Variants in EDAR observed in about 807,000 individuals in gnomAD.
EDAR encodes tumor necrosis factor receptor superfamily member EDAR.
Under a neutral mutation model 51.3 loss-of-function variants are expected in EDAR, and 38 were observed. That is an observed-to-expected ratio of 0.74 (90% confidence interval 0.57 to 0.97). EDAR has a LOEUF of 0.97. Among genes scored for constraint, EDAR ranks in the 50% least tolerant of loss-of-function variants. The pLI is 0.00. For synonymous variants in EDAR, 227 were observed against 242.1 expected, an observed-to-expected ratio of 0.94 and a Z score of 0.58; for missense variants, 528 against 595.0, an observed-to-expected ratio of 0.89 and a Z score of 1.17.
At chr2:108,968,285 C>T (rs1224918033) in intron 1 of EDAR, among the ~76,000 whole-genome samples, 1 of 152,202 alleles carries the variant, frequency 6.6e-6, no homozygotes, top group African/African-American at 2.4e-5. Flanking sequence ...CTGACCCAGA[C>T]ATACTTCAAC....
Position 108,897,226 on chromosome 2 carries a change from A to C in EDAR, c.1028T>G (p.Leu343Arg). 1 of 1,613,676 alleles carries C rather than the reference A, an allele frequency of 6.2e-7. No homozygotes were observed. The highest frequency in any genetic ancestry group is 1.7e-5 in the Admixed American group (1 of 60,020). ...YANVCGVVEG[L>R]SPTELPFDCL... ...ATCAAATGGCAGCTCCGTGGGGCTA[A>C]GACCTACAGACACCAATGGCCACAG... is the stretch of plus-strand genomic sequence containing the variant. The change falls in exon 12 of 12, where the codon CTT becomes CGT. Residue 343 changes from leucine to arginine, a missense_variant. Transcript: ENST00000258443.
chr2:108,984,002 G>A (rs976320037), intron 1 of EDAR, among the ~76,000 whole-genome samples: 4 of 152,222 alleles, frequency 2.6e-5, no homozygotes, highest in African/African-American at 9.6e-5. Flanking sequence ...CGACGGCGAT[G>A]TCTGTTGCTA....
At chr2:108,943,074 T>G (rs989043865) in intron 1 of EDAR, among the ~76,000 whole-genome samples, 18 of 152,286 alleles carry the variant, frequency 1.2e-4, no homozygotes, top group African/African-American at 3.9e-4. Flanking sequence ...GGGCTTTTTT[T>G]CCCTCCCTTA....
chr2:108,946,825 A>T (rs1454516932), intron 1 of EDAR, among the ~76,000 whole-genome samples: 1 of 152,044 alleles, frequency 6.6e-6, no homozygotes, highest in Admixed American at 6.5e-5. Context: ...GGGAATTACA[A>T]TTTGAGATGA....
rs56225748 is a variant in EDAR at position 108,937,465 on chromosome 2, A to T, written c.-18-6433T>A. 2.0e-3 allele frequency among the ~76,000 whole-genome samples: 309 copies of T among 152,128 alleles called. 1 individual carries two copies. The highest frequency in any genetic ancestry group is 7.1e-3 in the African/African-American group (296 of 41,508). On this transcript the variant is annotated intron_variant, in intron 1 of 11. Transcript: ENST00000258443. ...TGTGAGGATGTGTGTATGCATGTGT[A>T]TATGTGAGTGTGTGCATAAGAGTAT...
intron 4 of EDAR, among the ~76,000 whole-genome samples, chr2:108,927,327 A>G (rs1304891915): frequency 6.6e-6 from 1 of 152,208 alleles, no homozygotes; most frequent in Non-Finnish European, 1.5e-5. Flanking sequence ...AGCACTGGAA[A>G]GAATGTTTAA....
intron 11 of EDAR, among the ~76,000 whole-genome samples, chr2:108,901,058 ACACTC>A (rs1574364824): frequency 6.6e-6 from 1 of 152,218 alleles, no homozygotes; most frequent in Non-Finnish European, 1.5e-5. Flanking sequence ...CATTTATAGA[ACACTC>A]CATTCAACAA....
chr2:108,923,399 G>C lies in EDAR; in HGVS notation c.411C>G (p.Ser137=). The change falls in exon 5 of 12, where the codon TCC becomes TCG. Residue 137 remains serine (S), a synonymous_variant. Coordinates refer to ENST00000258443, the MANE Select transcript of EDAR (RefSeq NM_022336.4). ...PRNIYGMVCY[S]CLLAPPNTKE... is the part of the protein sequence containing the mutation. ...TGGTGTTGGGGGGTGCCAGGAGGCA[G>C]GAGTAGCAGACCATGCCATAGATGT... 6.2e-7 allele frequency: 1 copy of C among 1,614,234 alleles called. No individual in the cohort carries two copies. The highest frequency in any genetic ancestry group is 8.5e-7 in the Non-Finnish European group (1 of 1,180,040).
chr2:108,972,094 T>C (rs925872752), intron 1 of EDAR, among the ~76,000 whole-genome samples: 51 of 152,258 alleles, frequency 3.3e-4, no homozygotes, highest in African/African-American at 1.2e-3. Flanking sequence ...GGAAGGACAC[T>C]GAGCCAGAAC....
At chr2:108,958,520 G>A (rs1697968149) in intron 1 of EDAR, among the ~76,000 whole-genome samples, 1 of 152,176 alleles carries the variant, frequency 6.6e-6, no homozygotes, top group African/African-American at 2.4e-5. Context: ...GCAGAACAGG[G>A]GGGCATGGCA....
intron 4 of EDAR, among the ~76,000 whole-genome samples, chr2:108,923,745 T>A (rs1292709728): frequency 6.6e-6 from 1 of 152,246 alleles, no homozygotes; most frequent in Non-Finnish European, 1.5e-5. Flanking sequence ...TGCCATCACA[T>A]CATCCACCAG....
intron 5 of EDAR, among the ~76,000 whole-genome samples, chr2:108,914,225 A>G (rs1696986406): frequency 2.0e-5 from 3 of 152,064 alleles, no homozygotes; most frequent in African/African-American, 7.2e-5. Flanking sequence ...ACACCACTGC[A>G]CTCTAGCCTG....
intron 1 of EDAR, among the ~76,000 whole-genome samples, chr2:108,987,449 T>C (rs1043837958): frequency 6.6e-6 from 1 of 152,234 alleles, no homozygotes; most frequent in East Asian, 1.9e-4. Context: ...GAGGGTACCA[T>C]GATGCCTGAG....
intron 6 of EDAR, 60 bp downstream of exon 6, chr2:108,912,618 T>C (rs549511063): frequency 6.8e-7 from 1 of 1,463,270 alleles, no homozygotes; most frequent in East Asian, 2.5e-5. Flanking sequence ...TCTCCTCTTC[T>C]GAGCTTTCAT....
At chr2:108,914,216 C>T (rs1558804565) in intron 5 of EDAR, among the ~76,000 whole-genome samples, 1 of 151,940 alleles carries the variant, frequency 6.6e-6, no homozygotes, top group Non-Finnish European at 1.5e-5. Flanking sequence ...GCCGAGATCA[C>T]ACCACTGCAC....
intron 1 of EDAR, among the ~76,000 whole-genome samples, chr2:108,982,005 G>A (rs1698428268): frequency 1.3e-5 from 2 of 152,216 alleles, no homozygotes; most frequent in East Asian, 1.9e-4. Flanking sequence ...GATGCTTCCC[G>A]TCCTCAAAGA....
At chr2:108,985,195 T>C (rs1160941813) in intron 1 of EDAR, among the ~76,000 whole-genome samples, 4 of 152,210 alleles carry the variant, frequency 2.6e-5, no homozygotes, top group African/African-American at 9.6e-5. Context: ...ATCTAGCTAT[T>C]GAATGGTATC....
intron 1 of EDAR, among the ~76,000 whole-genome samples, chr2:108,938,213 C>T (rs1253941987): frequency 1.3e-5 from 2 of 152,162 alleles, no homozygotes; most frequent in East Asian, 3.8e-4. Flanking sequence ...ACTTTTTCCG[C>T]TAGTCTTTAT....
rs1696567616 is a variant in EDAR, at chr2:108,895,605, A to C, written c.*1302T>G. On this transcript the variant is annotated 3_prime_UTR_variant, in exon 12 of 12. Transcript: ENST00000258443. ...CACACTGTGTTGACTTCCATAGAGC[A>C]CCTCAAAGGCCTGGCATTTCCTATA... 6.6e-6 allele frequency: 1 copy of C among 152,220 alleles called. No homozygotes were observed. Among genetic ancestry groups the C allele is most frequent in the African/African-American group, 2.4e-5 (1 of 41,448 alleles). The allele number at this position is 152,220 out of a possible 1,614,324, so 9.4% of individuals were successfully genotyped here. A position where few individuals can be genotyped will look rare whatever the true frequency, so the allele number is the denominator to read the frequency against.
Sources: allele counts gnomAD v4.1 joint callset (sites outside exome capture counted in the v4.1 genomes callset), GRCh38; gene constraint gnomAD v4.1.1; transcripts MANE v1.5; gene names NCBI Gene and HGNC (gene_info 2026-07-23, HGNC 2026-07-21).